The following CMAS variants were observed in gnomAD, a reference collection of about 807,000 sequenced individuals.
The protein encoded by CMAS is N-acylneuraminate cytidylyltransferase.
In CMAS, 21 loss-of-function variants were observed where a neutral mutation model predicts 53.4. The ratio of observed to expected loss-of-function variants is 0.39; its 90% CI spans 0.28 to 0.57. The LOEUF is 0.57. Ranked by LOEUF, CMAS falls within the 20% of genes least tolerant of loss-of-function variation. The pLI is 0.56. For synonymous variants in CMAS, 189 were observed against 195.2 expected (o/e 0.97, Z 0.27); for missense variants, 384 against 534.9 (o/e 0.72, Z 2.78).
intron 1 of CMAS, among the ~76,000 whole-genome samples, chr12:22,054,607 TAAGCCA>T (rs1458578702): frequency 6.8e-6 from 1 of 146,020 alleles, no homozygotes; most frequent in African/African-American, 2.5e-5. Context: ...AGGGTTTGGC[TAAGCCA>T]AGTCCATTTT....
In CMAS at chr12:22,058,548, T is replaced by TCTAA. The variant is rs779780046; in HGVS notation, c.560-16_560-13dup. ...TATATTCAGGGCAACGTGGACTTACTCTAACTTTTTGCTTTTAGTTCGTGA... is the reference window on the plus strand; with the variant it reads ...TATATTCAGGGCAACGTGGACTTACTCTAACTAACTTTTTGCTTTTAGTTCGTGA... On this transcript the variant is annotated intron_variant, in intron 3 of 7. Coordinates refer to ENST00000229329, the MANE Select transcript of CMAS (RefSeq NM_018686.6). 7.5e-6 allele frequency: 12 copies of TCTAA among 1,606,666 alleles called. No individual in the cohort carries two copies. Among genetic ancestry groups the TCTAA allele is most frequent in the Non-Finnish European group, 1.0e-5 (12 of 1,177,152 alleles).
At chr12:22,062,885 G>GGAAA in intron 7 of CMAS, among the ~76,000 whole-genome samples, 1 of 152,120 alleles carries the variant, frequency 6.6e-6, no homozygotes, top group South Asian at 2.1e-4. Context: ...TCCAATTCCA[G>GGAAA]GAAAGAAATG....
intron 1 of CMAS, among the ~76,000 whole-genome samples, chr12:22,047,527 A>T (rs1208082902): frequency 1.3e-5 from 2 of 152,036 alleles, no homozygotes; most frequent in Non-Finnish European, 2.9e-5. Flanking sequence ...TGGGTAAATG[A>T]TTTTCATTTA....
chr12:22,064,171 T>G (rs187622795), intron 7 of CMAS, among the ~76,000 whole-genome samples: 1 of 152,168 alleles, frequency 6.6e-6, no homozygotes, highest in East Asian at 1.9e-4. Flanking sequence ...TAAAAGAAAC[T>G]CTCTTCAACC....
At chr12:22,059,151 T>A (rs866393152) in intron 4 of CMAS, among the ~76,000 whole-genome samples, 11,912 of 85,606 alleles carry the variant, frequency 0.14, 510 homozygotes, top group Non-Finnish European at 0.16. Flanking sequence ...TATATATATT[T>A]TTTTTTTTTT....
chr12:22,054,536 T>A (rs1950255883), intron 1 of CMAS, among the ~76,000 whole-genome samples: 1 of 152,012 alleles, frequency 6.6e-6, no homozygotes, highest in Non-Finnish European at 1.5e-5. Context: ...TTTCATCTGA[T>A]TTTTTTTGAG....
rs377410990 is a variant in CMAS, at chr12:22,054,619, A to T, written c.261-530A>T. Among the ~76,000 whole-genome samples, 828 of 145,872 alleles carry T rather than the reference A, an allele frequency of 5.7e-3. 7 individuals are homozygous for T. The highest frequency in any genetic ancestry group is 8.7e-3 in the Non-Finnish European group (575 of 66,418). On this transcript the variant is annotated intron_variant, in intron 1 of 7. Coordinates refer to ENST00000229329, the MANE Select transcript of CMAS (RefSeq NM_018686.6). ...TTTAGGGTTTGGCTAAGCCAAGTCC[A>T]TTTTTTTTTTTTTAGCAAGCATATT...
intron 1 of CMAS, 35 bp downstream of exon 1, chr12:22,046,598 G>A (rs780368127): frequency 6.7e-6 from 10 of 1,492,288 alleles, no homozygotes; most frequent in Non-Finnish European, 8.0e-6. Flanking sequence ...CGCGGCCTGG[G>A]CGGGGGTCGG....
At chr12:22,053,426 TATATAC>T (rs1205692690) in intron 1 of CMAS, among the ~76,000 whole-genome samples, 2 of 150,818 alleles carry the variant, frequency 1.3e-5, no homozygotes, top group Non-Finnish European at 2.9e-5. Context: ...ATACACATTA[TATATAC>T]ACGTTATATA....
In CMAS at chr12:22,065,655, T is replaced by G. The variant is rs1950342943; in HGVS notation, c.*344T>G. On this transcript the variant is annotated 3_prime_UTR_variant, in exon 8 of 8. Coordinates refer to ENST00000229329, the MANE Select transcript of CMAS (RefSeq NM_018686.6). ...ATGCCCTTCTATTAATAAAACTACA[T>G]TTCTCAAACTTGATGAAAACTGCCT... is the stretch of plus-strand genomic sequence containing the variant. 1.2e-5 allele frequency: 2 copies of G among 165,100 alleles called. No individual in the cohort carries two copies. The highest frequency in any genetic ancestry group is 3.9e-4 in the South Asian group (2 of 5,120). 10.2% of individuals were successfully genotyped at this position (165,100 alleles called of 1,614,324 possible).
At chr12:22,059,229 ACT>A (rs1950292089) in intron 4 of CMAS, among the ~76,000 whole-genome samples, 1 of 147,740 alleles carries the variant, frequency 6.8e-6, no homozygotes, top group Non-Finnish European at 1.5e-5. Flanking sequence ...ATCTGTCCTG[ACT>A]CTCATTTTCA....
intron 1 of CMAS, 49 bp downstream of exon 1, chr12:22,046,612 A>G: frequency 6.8e-7 from 1 of 1,463,214 alleles, no homozygotes; most frequent in Non-Finnish European, 9.0e-7. Flanking sequence ...GGGTCGGGAG[A>G]GGGAGTCGGG....
intron 1 of CMAS, among the ~76,000 whole-genome samples, chr12:22,051,818 G>A (rs1310001018): frequency 6.6e-6 from 1 of 152,162 alleles, no homozygotes; most frequent in Non-Finnish European, 1.5e-5. Flanking sequence ...GATTAAATGA[G>A]ACAGAGTAGA....
intron 1 of CMAS, among the ~76,000 whole-genome samples, chr12:22,054,047 C>T (rs1180531368): frequency 4.0e-5 from 6 of 151,660 alleles, no homozygotes; most frequent in Non-Finnish European, 8.8e-5. Flanking sequence ...CTGTCTCAGC[C>T]TCCCTAGTAG....
At chr12:22,058,074 G>A (rs61921546) in intron 3 of CMAS, among the ~76,000 whole-genome samples, 23,801 of 151,008 alleles carry the variant, frequency 0.16, 2,402 homozygotes, top group Non-Finnish European at 0.21. Flanking sequence ...TGATCCGCCC[G>A]CCTTGGCCTC....
In CMAS at chr12:22,061,272, T is replaced by G; in HGVS notation, c.789-9T>G. 2 of 1,607,380 alleles carry G rather than the reference T, an allele frequency of 1.2e-6. No individual in the cohort carries two copies. Among genetic ancestry groups the G allele is most frequent in the Non-Finnish European group, 1.7e-6 (2 of 1,176,282 alleles). ...CTTGTACTCAAAGGTCTATTTTGGT[T>G]TCTTTTAGATATGGCTATTTTGGCA... is the stretch of plus-strand genomic sequence containing the variant. On this transcript the variant is annotated splice_polypyrimidine_tract_variant and intron_variant, in intron 5 of 7. Coordinates refer to ENST00000229329, the MANE Select transcript of CMAS (RefSeq NM_018686.6).
chr12:22,054,843 C>T (rs1026552279), intron 1 of CMAS, among the ~76,000 whole-genome samples: 14 of 151,994 alleles, frequency 9.2e-5, no homozygotes, highest in African/African-American at 3.1e-4. Context: ...AAGCATAGTA[C>T]CTGATAGGTA....
At chr12:22,050,949 A>G (rs1280522324) in intron 1 of CMAS, among the ~76,000 whole-genome samples, 2 of 151,884 alleles carry the variant, frequency 1.3e-5, no homozygotes, top group African/African-American at 4.8e-5. Flanking sequence ...AGGACTTTGG[A>G]GCACCCTTCC....
chr12:22,056,285 CACTT>C (rs1950267840), intron 3 of CMAS, among the ~76,000 whole-genome samples: 2 of 152,206 alleles, frequency 1.3e-5, no homozygotes, highest in Admixed American at 1.3e-4. Context: ...AACATCTAGT[CACTT>C]ACAGTTCTGT....
Sources: allele counts gnomAD v4.1 joint callset (sites outside exome capture counted in the v4.1 genomes callset), GRCh38; gene constraint gnomAD v4.1.1; transcripts MANE v1.5; gene names NCBI Gene and HGNC (gene_info 2026-07-23, HGNC 2026-07-21).